The following DISC1 variants were observed in gnomAD, a reference collection of about 807,000 sequenced individuals.
The protein encoded by DISC1 is DISC1 scaffold protein.
DISC1 carries 57 observed loss-of-function variants against 84.5 expected under a neutral mutation model. That is an observed-to-expected ratio of 0.67 (90% CI 0.55 to 0.84). DISC1 has a LOEUF of 0.84. DISC1 is among the 40% of genes least tolerant of loss of function. The pLI is 0.00. For missense variants in DISC1, 1,000 were observed against 1,057.8 expected, an observed-to-expected ratio of 0.95 and a Z score of 0.76; for synonymous variants, 411 against 415.2, an observed-to-expected ratio of 0.99 and a Z score of 0.12.
intron 8 of DISC1, among the ~76,000 whole-genome samples, chr1:231,814,044 C>A (rs2080623302): frequency 6.6e-6 from 1 of 152,088 alleles, no homozygotes; most frequent in African/African-American, 2.4e-5. Context: ...AAACTATGGA[C>A]TTCAGTGACA....
intron 9 of DISC1, among the ~76,000 whole-genome samples, chr1:231,876,973 G>A (rs1574370823): frequency 6.6e-6 from 1 of 152,204 alleles, no homozygotes; most frequent in East Asian, 1.9e-4. Flanking sequence ...AGGCCTGATG[G>A]GAGCCACAGA....
intron 9 of DISC1, among the ~76,000 whole-genome samples, chr1:231,867,034 A>G (rs1379790431): frequency 6.6e-6 from 1 of 152,172 alleles, no homozygotes; most frequent in African/African-American, 2.4e-5. Context: ...ACACAATTAC[A>G]TTCCTTCTTG....
intron 1 of DISC1, among the ~76,000 whole-genome samples, chr1:231,646,363 A>G (rs1458623322): frequency 6.6e-6 from 1 of 151,706 alleles, no homozygotes; most frequent in Non-Finnish European, 1.5e-5. Flanking sequence ...ATAGTATTCC[A>G]TGGTGTATAT....
At chr1:231,843,385 A>G (rs1054834891) in intron 9 of DISC1, among the ~76,000 whole-genome samples, 4 of 152,166 alleles carry the variant, frequency 2.6e-5, no homozygotes, top group African/African-American at 4.8e-5. Flanking sequence ...GAGCTTGGAA[A>G]TGGTCCTAAG....
intron 9 of DISC1, among the ~76,000 whole-genome samples, chr1:231,939,505 A>G (rs2126127456): frequency 6.6e-6 from 1 of 152,204 alleles, no homozygotes; most frequent in African/African-American, 2.4e-5. Flanking sequence ...TGTGGGAGAA[A>G]ATCCACACTC....
chr1:231,763,017 G>A (rs985004156), intron 4 of DISC1, among the ~76,000 whole-genome samples: 37 of 152,222 alleles, frequency 2.4e-4, no homozygotes, highest in African/African-American at 8.0e-4. Flanking sequence ...TCCACAGGCT[G>A]TGCACTCTCC....
At chr1:231,955,553 G>A (rs573471043) in intron 9 of DISC1, among the ~76,000 whole-genome samples, 45 of 149,446 alleles carry the variant, frequency 3.0e-4, no homozygotes, top group Admixed American at 6.1e-4. Context: ...GCAGTGGCAC[G>A]ATCTCGGCTC....
intron 11 of DISC1, among the ~76,000 whole-genome samples, chr1:232,020,509 G>A (rs2806458): frequency 0.39 from 58,833 of 152,040 alleles, 12,874 homozygotes; most frequent in Non-Finnish European, 0.48. Flanking sequence ...GACATTCTTA[G>A]TAGCCCTGAA....
chr1:232,026,600 A>T, intron 12 of DISC1, 48 bp downstream of exon 12: 2 of 1,431,792 alleles, frequency 1.4e-6, no homozygotes, highest in Non-Finnish European at 1.9e-6. Flanking sequence ...TATTTTATAA[A>T]AGAGAGTCTT....
At chr1:231,917,334 C>T (rs958117425) in intron 9 of DISC1, among the ~76,000 whole-genome samples, 10 of 152,076 alleles carry the variant, frequency 6.6e-5, no homozygotes, top group Admixed American at 6.6e-4. Context: ...TCATTCTCGC[C>T]GAATGCATTA....
chr1:231,917,688 G>A (rs1348734495), intron 9 of DISC1, among the ~76,000 whole-genome samples: 1 of 152,198 alleles, frequency 6.6e-6, no homozygotes, highest in Non-Finnish European at 1.5e-5. Context: ...CAGGAGTGGG[G>A]CGAGCATGGC....
intron 9 of DISC1, among the ~76,000 whole-genome samples, chr1:231,933,443 C>T (rs2090791395): frequency 6.6e-6 from 1 of 152,160 alleles, no homozygotes; most frequent in African/African-American, 2.4e-5. Flanking sequence ...CTTATCACCA[C>T]CTCTAAGGCA....
Position 231,866,446 on chromosome 1 carries a change from G to A in DISC1, c.1981+47929G>A. The A allele has an allele frequency of 2.7e-6, 2 of 752,636 alleles. 1 individual carries two copies. The highest frequency in any genetic ancestry group is 2.9e-5 in the South Asian group (2 of 70,096). The allele number at this position is 752,636 out of a possible 1,614,324, so 46.6% of individuals were successfully genotyped here. On this transcript the variant is annotated intron_variant, in intron 9 of 12. Coordinates refer to ENST00000439617, the MANE Select transcript of DISC1 (RefSeq NM_018662.3). Reference sequence around the variant, plus strand: ...TAAAAAAAATAACATCAATGATAATGACCAACAGCTAACACTTATTACAAG... The same window carrying A: ...TAAAAAAAATAACATCAATGATAATAACCAACAGCTAACACTTATTACAAG...
intron 10 of DISC1, among the ~76,000 whole-genome samples, chr1:231,995,153 A>AT (rs1056507941): frequency 1.9e-4 from 29 of 149,794 alleles, no homozygotes; most frequent in South Asian, 1.5e-3. Flanking sequence ...TAATAACAAC[A>AT]TTTTTTTTTT....
chr1:231,950,185 A>G (rs1294756517), intron 9 of DISC1, among the ~76,000 whole-genome samples: 1 of 149,266 alleles, frequency 6.7e-6, no homozygotes, highest in Non-Finnish European at 1.5e-5. Flanking sequence ...CTGTCTATAA[A>G]AAAGAATGAA....
chr1:232,013,146 TC>T (rs1668182443), intron 11 of DISC1, among the ~76,000 whole-genome samples: 1 of 152,180 alleles, frequency 6.6e-6, no homozygotes, highest in South Asian at 2.1e-4. Flanking sequence ...TTTTTTTCTT[TC>T]CTGTCTGCAA....
intron 3 of DISC1, chr1:231,702,731 G>A (rs1247108871): frequency 1.2e-5 from 4 of 321,430 alleles, no homozygotes; most frequent in Non-Finnish European, 1.8e-5. Context: ...GGGGTTGAAT[G>A]GGCACAGGGT....
intron 9 of DISC1, among the ~76,000 whole-genome samples, chr1:231,867,957 C>T (rs1345610454): frequency 6.6e-6 from 1 of 152,212 alleles, no homozygotes; most frequent in African/African-American, 2.4e-5. Flanking sequence ...GCCACTGTCC[C>T]CTTAGCATTC....
Position 231,923,305 on chromosome 1 carries a change from ACC to A in DISC1, c.1982-35522_1982-35521del, listed in dbSNP as rs796075806. ...CTGTCTCAAAAACAAAACAAAAAAA[ACC>A]AAAAAAAAAAACAAAAAGAAAAAGA... On this transcript the variant is annotated intron_variant, in intron 9 of 12. Coordinates refer to ENST00000439617, the MANE Select transcript of DISC1 (RefSeq NM_018662.3). 1.8e-3 allele frequency among the ~76,000 whole-genome samples: 249 copies of A among 141,010 alleles called. 5 individuals carry two copies. Among genetic ancestry groups the A allele is most frequent in the African/African-American group, 6.0e-3 (230 of 38,630 alleles). The allele number at this position is 141,010 out of a possible 152,430, so 92.5% of individuals were successfully genotyped here.
Sources: gnomAD v4.1 joint callset for allele counts (sites outside exome capture counted in the v4.1 genomes callset) on GRCh38, gnomAD v4.1.1 for gene constraint, MANE v1.5 for transcripts, NCBI Gene and HGNC (gene_info 2026-07-23, HGNC 2026-07-21) for gene names.